The following ACTN2 variants were observed in gnomAD, a reference collection of about 807,000 sequenced individuals.
ACTN2 encodes the protein actinin alpha 2.
Under a neutral mutation model 113.8 loss-of-function variants are expected in ACTN2, and 39 were observed. The ratio of observed to expected loss-of-function variants is 0.34; its 90% CI spans 0.27 to 0.45. ACTN2 has a LOEUF of 0.45. Among genes scored for constraint, ACTN2 ranks in the 20% least tolerant of loss-of-function variants. The probability of loss-of-function intolerance (pLI) is 1.00; values close to 1 mark genes in which losing one functional copy is unlikely to be tolerated. For missense variants in ACTN2, 992 were observed against 1,177.9 expected (o/e 0.84, Z 2.31); for synonymous variants, 429 against 444.1 (o/e 0.97, Z 0.43).
In ACTN2 at chr1:236,739,506, A is replaced by G. The variant is rs368409665; in HGVS notation, c.1081A>G (p.Met361Val). The change falls in exon 10 of 21, where the codon ATG (methionine) becomes GTG (valine). Residue 361 changes from methionine to valine, a missense_variant. Around this residue, in one of 3 missense-constraint regions of ACTN2, gnomAD observed 736 missense variants for 815.4 expected, o/e 0.90. Coordinates refer to ENST00000366578, the MANE Select transcript of ACTN2 (RefSeq NM_001103.4). ...KLRISNRPAF[M>V]PSEGKMVSDI... ...GCGGATCAGCAACCGTCCTGCCTTC[A>G]TGCCCTCCGAGGGCAAGATGGTGTC... 5.2e-5 allele frequency: 84 copies of G among 1,614,070 alleles called. No homozygotes were observed. In the East Asian group the frequency reaches 1.8e-3, roughly 34 times the overall value.
At chr1:236,752,700 C>T (rs529387209) in intron 15 of ACTN2, among the ~76,000 whole-genome samples, 86 of 151,860 alleles carry the variant, frequency 5.7e-4, no homozygotes, top group Non-Finnish European at 9.6e-4. Context: ...TACAGGTGCC[C>T]GCCACCACGC....
chr1:236,759,972 G>A (rs1415884820), intron 19 of ACTN2, among the ~76,000 whole-genome samples, 183 bp downstream of exon 19: 1 of 152,316 alleles, frequency 6.6e-6, no homozygotes, highest in South Asian at 2.1e-4. Flanking sequence ...GAGGCCTGGC[G>A]CAGTGGCTCA....
At position 236,762,698 on chromosome 1, in the gene ACTN2, C is replaced by A; in HGVS notation, c.*79C>A. The stretch of plus-strand genomic sequence containing the variant: ...ACAGTTTGTTTCCTGGAAACTTTGA[C>A]AAGCTTTATTAAGTTGAGAGAGAGA... On this transcript the variant is annotated 3_prime_UTR_variant, in exon 21 of 21. Transcript: ENST00000366578. 1.3e-6 allele frequency: 2 copies of A among 1,525,770 alleles called. No homozygotes were observed. The highest frequency in any genetic ancestry group is 1.8e-6 in the Non-Finnish European group (2 of 1,122,472). The allele number at this position is 1,525,770 out of a possible 1,614,324, so 94.5% of individuals were successfully genotyped here.
rs148439569 is a variant in ACTN2 at position 236,700,412 on chromosome 1, G to A, written c.126+13613G>A. 7.0e-3 allele frequency among the ~76,000 whole-genome samples: 1,065 copies of A among 152,280 alleles called. 11 individuals carry two copies. Among genetic ancestry groups the A allele is most frequent in the Middle Eastern group, 0.017 (5 of 294 alleles). On this transcript the variant is annotated intron_variant, in intron 1 of 20. Transcript: ENST00000366578. The stretch of plus-strand genomic sequence containing the variant: ...AATAACCCTGTTGTCTAATTCCAGT[G>A]AATTTCAGGCTCAGCGGAAGATGGG...
rs140484068 is a variant in ACTN2 at position 236,720,077 on chromosome 1, C to T, written c.362-28C>T. The T allele has an allele frequency of 3.0e-4, 439 of 1,469,076 alleles. 5 individuals carry two copies. In the East Asian group the frequency reaches 7.2e-3, roughly 24 times the overall value. The allele number at this position is 1,469,076 out of a possible 1,614,324, so 91.0% of individuals were successfully genotyped here. On this transcript the variant is annotated intron_variant, in intron 3 of 20. Coordinates refer to ENST00000366578, the MANE Select transcript of ACTN2 (RefSeq NM_001103.4). ...TTACGTACAGACTATGTTATCTTTACATTAATTTGTTGTTTTCTTACCTGC... is the reference window on the plus strand; with the variant it reads ...TTACGTACAGACTATGTTATCTTTATATTAATTTGTTGTTTTCTTACCTGC...
chr1:236,736,718 G>A lies in ACTN2; in HGVS notation c.784-404G>A, dbSNP rs7542508. The A allele has an allele frequency of 0.53, 628,350 of 1,177,234 alleles. 177,151 individuals carry two copies. The highest frequency in any genetic ancestry group is 0.58 in the Non-Finnish European group (481,576 of 824,312). 72.9% of individuals were successfully genotyped at this position (1,177,234 alleles called of 1,614,324 possible). A position where few individuals can be genotyped will look rare whatever the true frequency, so the allele number is the denominator to read the frequency against. On this transcript the variant is annotated intron_variant, in intron 8 of 20. Transcript: ENST00000366578. ...GTTATTTTTGCCTTGATTTCCAAAG[G>A]CTAATGTTATTCAGGGAGTCTCCAT... is the stretch of plus-strand genomic sequence containing the variant.
intron 7 of ACTN2, among the ~76,000 whole-genome samples, chr1:236,731,690 T>A (rs560999093): frequency 1.3e-5 from 2 of 152,288 alleles, no homozygotes; most frequent in Admixed American, 1.3e-4. Flanking sequence ...AGCAAATAAA[T>A]CCCTTTGTGA....
rs200282066 is a variant in ACTN2 at position 236,761,066 on chromosome 1, G to C, written c.2419G>C (p.Gly807Arg). 3.7e-6 allele frequency: 6 copies of C among 1,614,188 alleles called. No homozygotes were observed. Among genetic ancestry groups the C allele is most frequent in the Non-Finnish European group, 5.1e-6 (6 of 1,180,036 alleles). Residue 807 changes from glycine (G) to arginine (R), a missense_variant, in exon 20 of 21, where the codon GGC (glycine) becomes CGC (arginine). Physicochemically the swap from Gly to Arg is moderately radical, Grantham distance 125. This residue lies in a region of ACTN2 where 736 missense variants were observed against 815.4 expected (regional missense o/e 0.90). Transcript: ENST00000366578. The stretch of plus-strand genomic sequence containing the variant: ...GACCCTGGTAGATCCCAACGGGCAA[G>C]GCACCGTCACCTTCCAATCCTTCAT... Reference protein sequence around the residue: ...IMTLVDPNGQGTVTFQSFIDF... With the variant: ...IMTLVDPNGQRTVTFQSFIDF...
At chr1:236,737,675 G>C (rs12164643) in intron 9 of ACTN2, among the ~76,000 whole-genome samples, 14 of 151,872 alleles carry the variant, frequency 9.2e-5, no homozygotes, top group Admixed American at 8.5e-4. Flanking sequence ...GAGCTGGCTC[G>C]GGCTCGTGTG....
At chr1:236,761,641 G>A (rs1291238034) in intron 20 of ACTN2, among the ~76,000 whole-genome samples, 4 of 152,124 alleles carry the variant, frequency 2.6e-5, no homozygotes, top group Non-Finnish European at 4.4e-5. Context: ...GTAAAAAATT[G>A]GCAAGCTTTT....
chr1:236,746,145 G>C (rs1388270544), intron 12 of ACTN2, among the ~76,000 whole-genome samples: 1 of 123,334 alleles, frequency 8.1e-6, no homozygotes, highest in Non-Finnish European at 1.6e-5. Context: ...CAGCCTGGGC[G>C]ACAGAGCAAG....
rs200958761 is a variant in ACTN2, at chr1:236,720,181, T to C, written c.438T>C (p.Ile146=). ...TCCTTCGCTTTGCTATTCAGGATATTTCGGTTGAAGGTAAAAGACATGGTT... is the reference window on the plus strand; with the variant it reads ...TCCTTCGCTTTGCTATTCAGGATATCTCGGTTGAAGGTAAAAGACATGGTT... ...TIILRFAIQD[I]SVEETSAKEG... The change falls in exon 4 of 21, where the codon ATT becomes ATC. Residue 146 remains isoleucine (I), a synonymous_variant. Coordinates refer to ENST00000366578, the MANE Select transcript of ACTN2 (RefSeq NM_001103.4). 1 of 1,613,030 alleles carries C rather than the reference T, an allele frequency of 6.2e-7. No individual in the cohort carries two copies. The highest frequency in any genetic ancestry group is 2.2e-5 in the East Asian group (1 of 44,864).
intron 15 of ACTN2, among the ~76,000 whole-genome samples, chr1:236,753,020 A>G (rs537765048): frequency 9.2e-5 from 14 of 152,316 alleles, no homozygotes; most frequent in Non-Finnish European, 1.6e-4. Context: ...TCTTCCATTG[A>G]TTGAAAGAGA....
In ACTN2 at chr1:236,736,659, A is replaced by G. The variant is rs771467443; in HGVS notation, c.784-463A>G. The G allele has an allele frequency of 4.2e-5, 64 of 1,526,216 alleles. No homozygotes were observed. The highest frequency in any genetic ancestry group is 1.7e-4 in the Middle Eastern group (1 of 5,974). 94.5% of individuals were successfully genotyped at this position (1,526,216 alleles called of 1,614,324 possible). A position where few individuals can be genotyped will look rare whatever the true frequency, so the allele number is the denominator to read the frequency against. On this transcript the variant is annotated intron_variant, in intron 8 of 20. Transcript: ENST00000366578. The stretch of plus-strand genomic sequence containing the variant: ...AGATGAGGAGGTCTTCAGTGAATTC[A>G]AGTGCAATGGTATATCTGGATTTTC...
In ACTN2 at chr1:236,753,991, G is replaced by C; in HGVS notation, c.1884G>C (p.Glu628Asp). 1 of 1,614,208 alleles carries C rather than the reference G, an allele frequency of 6.2e-7. No individual in the cohort carries two copies. Among genetic ancestry groups the C allele is most frequent in the Non-Finnish European group, 8.5e-7 (1 of 1,180,040 alleles). ...TCCGCGATCAATCCCTGCAGGAGGA[G>C]CTGGCTCGCCAGCATGCTAACGAGC... Reference protein sequence around the residue: ...VPIRDQSLQEELARQHANERL... With the variant: ...VPIRDQSLQEDLARQHANERL... Residue 628 changes from glutamate to aspartate, a missense_variant, in exon 16 of 21, where the codon GAG becomes GAC. Glu to Asp is a conservative substitution (Grantham distance 45). Around this residue, in one of 3 missense-constraint regions of ACTN2, gnomAD observed 736 missense variants for 815.4 expected, o/e 0.90. Coordinates refer to ENST00000366578, the MANE Select transcript of ACTN2 (RefSeq NM_001103.4).
intron 12 of ACTN2, among the ~76,000 whole-genome samples, chr1:236,746,188 GAAA>G (rs374625975): frequency 7.8e-6 from 1 of 128,604 alleles, no homozygotes; most frequent in East Asian, 2.3e-4. Context: ...AAAAAAGAAA[GAAA>G]AAAAAAAAGA....
intron 7 of ACTN2, 36 bp from the exon 8 acceptor site, chr1:236,735,599 T>C (rs888330013): frequency 4.7e-5 from 72 of 1,523,416 alleles, no homozygotes; most frequent in Non-Finnish European, 6.5e-5. Context: ...GGTGTGTGTG[T>C]GTGCGCGCGT....
At chr1:236,756,002 G>A (rs1356079725) in intron 17 of ACTN2, among the ~76,000 whole-genome samples, 49 of 31,188 alleles carry the variant, frequency 1.6e-3, no homozygotes, top group African/African-American at 4.0e-3. Context: ...CGCTGCCACT[G>A]TTAGAACCCT....
intron 1 of ACTN2, among the ~76,000 whole-genome samples, chr1:236,701,120 G>A (rs1657660230): frequency 1.3e-5 from 2 of 152,132 alleles, no homozygotes; most frequent in Non-Finnish European, 2.9e-5. Flanking sequence ...TGTCCCAGAG[G>A]AATTATAAAT....
Sources: gnomAD v4.1 joint callset for allele counts (sites outside exome capture counted in the v4.1 genomes callset) on GRCh38, gnomAD v4.1.1 for gene constraint, gnomAD v4.1.1 regional missense constraint, MANE v1.5 for transcripts, NCBI Gene and HGNC (gene_info 2026-07-23, HGNC 2026-07-21) for gene names.